Variants in FOXP1 observed in about 807,000 individuals in gnomAD.
FOXP1 encodes forkhead box protein P1.
FOXP1 carries 15 observed loss-of-function variants against 98.2 expected under a neutral mutation model. The ratio of observed to expected loss-of-function variants is 0.15; its 90% CI spans 0.10 to 0.24. The LOEUF is 0.24. FOXP1 is among the 10% of genes least tolerant of loss of function. The pLI is 1.00. For synonymous variants in FOXP1, 371 were observed against 314.5 expected (o/e 1.18, Z -1.90); for missense variants, 633 against 848.5 (o/e 0.75, Z 3.15).
chr3:71,062,474 C>T (rs75196657), intron 7 of FOXP1, among the ~76,000 whole-genome samples: 4,500 of 152,218 alleles, frequency 0.03, 132 homozygotes, highest in East Asian at 0.089. Context: ...AGATCATTCC[C>T]TTCCAGAGAA....
At chr3:71,071,771 A>G (rs2053262806) in intron 7 of FOXP1, among the ~76,000 whole-genome samples, 1 of 152,016 alleles carries the variant, frequency 6.6e-6, no homozygotes, top group Non-Finnish European at 1.5e-5. Flanking sequence ...ACGGTGTTTC[A>G]CCATGTTGCC....
At chr3:71,295,923 G>A (rs925313962) in intron 5 of FOXP1, among the ~76,000 whole-genome samples, 1 of 152,060 alleles carries the variant, frequency 6.6e-6, no homozygotes, top group African/African-American at 2.4e-5. Context: ...TATCATCAAC[G>A]GGACCGTTTT....
At chr3:71,564,946 C>T (rs1290014083) in intron 2 of FOXP1, among the ~76,000 whole-genome samples, 1 of 152,106 alleles carries the variant, frequency 6.6e-6, no homozygotes, top group African/African-American at 2.4e-5. Flanking sequence ...GAAATTCCGT[C>T]TCTATTAAAA....
chr3:71,317,407 G>A (rs912524558), intron 4 of FOXP1, among the ~76,000 whole-genome samples: 3 of 152,018 alleles, frequency 2.0e-5, no homozygotes, highest in South Asian at 2.1e-4. Flanking sequence ...TCGCACAGGC[G>A]GGCTCTGGAG....
At chr3:71,567,981 A>C (rs1192659598) in intron 2 of FOXP1, 1 of 139,842 alleles carries the variant, frequency 7.2e-6, no homozygotes, top group Non-Finnish European at 1.5e-5. Context: ...AAATGAAAGA[A>C]AGGAAGGGAG....
chr3:71,379,346 C>A (rs2079968239), intron 3 of FOXP1, among the ~76,000 whole-genome samples: 1 of 152,130 alleles, frequency 6.6e-6, no homozygotes, highest in African/African-American at 2.4e-5. Context: ...CTTTTCAATT[C>A]CACTTGAACC....
intron 5 of FOXP1, among the ~76,000 whole-genome samples, chr3:71,274,109 A>T (rs2070662735): frequency 6.6e-6 from 1 of 152,158 alleles, no homozygotes; most frequent in Admixed American, 6.5e-5. Context: ...AATATTTCAC[A>T]TCAAAAAGGA....
intron 12 of FOXP1, among the ~76,000 whole-genome samples, chr3:71,014,007 G>T (rs1474079100): frequency 6.6e-6 from 1 of 152,098 alleles, no homozygotes; most frequent in East Asian, 1.9e-4. Flanking sequence ...ATTCAAGATG[G>T]ATTAAAGACT....
intron 2 of FOXP1, among the ~76,000 whole-genome samples, chr3:71,500,668 T>C (rs2107172556): frequency 6.6e-6 from 1 of 152,332 alleles, no homozygotes; most frequent in East Asian, 1.9e-4. Flanking sequence ...CCACTCATTC[T>C]ACATCTTTCA....
chr3:71,529,244 T>C (rs368893227), intron 2 of FOXP1, among the ~76,000 whole-genome samples: 1 of 152,238 alleles, frequency 6.6e-6, no homozygotes, highest in East Asian at 1.9e-4. Flanking sequence ...ACATGCATAT[T>C]AGCCACAACA....
intron 6 of FOXP1, 65 bp downstream of exon 6, chr3:71,198,137 T>C: frequency 6.2e-7 from 1 of 1,613,566 alleles, no homozygotes; most frequent in Admixed American, 1.7e-5. Flanking sequence ...CGCGATTAAG[T>C]GTAAAATTCA....
intron 5 of FOXP1, among the ~76,000 whole-genome samples, chr3:71,230,597 G>A (rs938779647): frequency 6.6e-6 from 1 of 152,130 alleles, no homozygotes; most frequent in African/African-American, 2.4e-5. Context: ...TAGTTAATCC[G>A]TAGCTAAAAA....
rs2063419928 is a variant in FOXP1, at chr3:71,198,237, C to G, written c.145G>C (p.Ala49Pro). The stretch of plus-strand genomic sequence containing the variant: ...TGCTGCTGGGCGTGGGCGAGGTCAG[C>G]TGCCCCGATGTCCACGGCCGGCGTC... Reference protein sequence around the residue: ...GETPAVDIGAADLAHAQQQQQ... With the variant: ...GETPAVDIGAPDLAHAQQQQQ... The change falls in exon 6 of 21, where the codon GCT (alanine) becomes CCT (proline). Residue 49 changes from alanine (A) to proline (P), a missense_variant. Around this residue, in one of 6 missense-constraint regions of FOXP1, gnomAD observed 103 missense variants for 85.5 expected, o/e 1.20. Transcript: ENST00000649528. 6.2e-7 allele frequency: 1 copy of G among 1,614,002 alleles called. No homozygotes were observed. The highest frequency in any genetic ancestry group is 1.1e-5 in the South Asian group (1 of 91,094).
At chr3:71,395,023 C>T (rs1010541876) in intron 3 of FOXP1, among the ~76,000 whole-genome samples, 3 of 150,002 alleles carry the variant, frequency 2.0e-5, no homozygotes, top group African/African-American at 7.4e-5. Flanking sequence ...TTGCTTGAAC[C>T]CAGGAGGCAG....
intron 12 of FOXP1, 121 bp downstream of exon 12, chr3:71,015,428 G>A: frequency 1.5e-6 from 1 of 673,900 alleles, no homozygotes; most frequent in African/African-American, 1.8e-5. Flanking sequence ...TTGTGATTTA[G>A]AGTCCACTCT....
At position 71,290,341 on chromosome 3, in the gene FOXP1, C is replaced by T. The variant is rs146411443; in HGVS notation, c.-12+9479G>A. 6.0e-3 allele frequency among the ~76,000 whole-genome samples: 907 copies of T among 152,300 alleles called. 6 individuals carry two copies. The highest frequency in any genetic ancestry group is 0.01 in the Middle Eastern group (3 of 294). On this transcript the variant is annotated intron_variant, in intron 5 of 20. Transcript: ENST00000649528. ...TCAAGACAAAAATCTTAAGAGTCTT[C>T]TGTGATGCAACTTTTTCAAACTCCC... is the stretch of plus-strand genomic sequence containing the variant.
At chr3:71,311,743 C>T (rs1475610871) in intron 4 of FOXP1, among the ~76,000 whole-genome samples, 1 of 152,222 alleles carries the variant, frequency 6.6e-6, no homozygotes, top group Admixed American at 6.5e-5. Context: ...AACTGAGAAA[C>T]TTGGCAGCTC....
chr3:71,516,485 C>T (rs1218610262), intron 2 of FOXP1, among the ~76,000 whole-genome samples: 1 of 152,166 alleles, frequency 6.6e-6, no homozygotes, highest in Non-Finnish European at 1.5e-5. Flanking sequence ...GTATCCTAAT[C>T]TCATTCCTAA....
Position 70,966,007 on chromosome 3 carries a change from C to G in FOXP1, c.1772G>C (p.Gly591Ala). Reference sequence around the variant, plus strand: ...GGCTAAGTTGCCCAGAGTGGGATTTCCCATGGAAGCGGTAGTGTATAGAGG... The same window carrying G: ...GGCTAAGTTGCCCAGAGTGGGATTTGCCATGGAAGCGGTAGTGTATAGAGG... Reference protein sequence around the residue: ...SIPLYTTASMGNPTLGNLASA... With the variant: ...SIPLYTTASMANPTLGNLASA... The change falls in exon 20 of 21, where the codon GGA (glycine) becomes GCA (alanine). Residue 591 changes from glycine (G) to alanine (A), a missense_variant. Coordinates refer to ENST00000649528, the MANE Select transcript of FOXP1 (RefSeq NM_001349338.3). 1 of 1,614,098 alleles carries G rather than the reference C, an allele frequency of 6.2e-7. No individual in the cohort carries two copies. Among genetic ancestry groups the G allele is most frequent in the Non-Finnish European group, 8.5e-7 (1 of 1,180,024 alleles).
Sources: allele counts gnomAD v4.1 joint callset (sites outside exome capture counted in the v4.1 genomes callset), GRCh38; gene constraint gnomAD v4.1.1; regional missense constraint gnomAD v4.1.1; transcripts MANE v1.5; gene names NCBI Gene and HGNC (gene_info 2026-07-23, HGNC 2026-07-21).